The following RARS2 variants were observed in gnomAD, a reference collection of about 807,000 sequenced individuals.
RARS2 encodes arginyl-tRNA synthetase 2, mitochondrial.
Under a neutral mutation model 88.5 loss-of-function variants are expected in RARS2, and 67 were observed. The observed-to-expected ratio is 0.76, with a 90% CI of 0.62 to 0.93. The LOEUF (loss-of-function observed/expected upper bound fraction) is 0.93. Ranked by LOEUF, RARS2 falls within the 40% of genes least tolerant of loss-of-function variation. RARS2 has a pLI of 0.00. For missense variants in RARS2, 664 were observed against 684.2 expected (o/e 0.97, Z 0.33); for synonymous variants, 239 against 230.3 (o/e 1.04, Z -0.34).
chr6:87,542,099 T>G (rs149078802), intron 7 of RARS2, 105 bp from the exon 8 acceptor site: 1 of 858,662 alleles, frequency 1.2e-6, no homozygotes, highest in African/African-American at 1.7e-5. Flanking sequence ...TGTCATATTA[T>G]GTATCCTGAG....
intron 1 of RARS2, among the ~76,000 whole-genome samples, chr6:87,580,663 A>G (rs763494071): frequency 2.0e-5 from 3 of 151,752 alleles, no homozygotes; most frequent in South Asian, 2.1e-4. Flanking sequence ...ATCTCAGTAT[A>G]TTGCCCAGGG....
chr6:87,551,626 C>CAAAAAAAAAAAA (rs71018036), intron 5 of RARS2, among the ~76,000 whole-genome samples: 2 of 65,150 alleles, frequency 3.1e-5, no homozygotes, highest in Admixed American at 2.4e-4. Flanking sequence ...TCCGTCTCAA[C>CAAAAAAAAAAAA]AAAAAAAAAA....
intron 4 of RARS2, among the ~76,000 whole-genome samples, chr6:87,559,381 C>T (rs974924144): frequency 2.4e-4 from 36 of 147,680 alleles, no homozygotes; most frequent in African/African-American, 8.3e-4. Flanking sequence ...GCAGGAGAAT[C>T]GCTTGAACCT....
chr6:87,514,680 C>T (rs571685735), intron 19 of RARS2, among the ~76,000 whole-genome samples, 181 bp from the exon 20 acceptor site: 1 of 152,278 alleles, frequency 6.6e-6, no homozygotes, highest in Non-Finnish European at 1.5e-5. Flanking sequence ...AAAACCTGTA[C>T]ATAAAGTGTC....
intron 9 of RARS2, among the ~76,000 whole-genome samples, chr6:87,530,566 A>G (rs953567498): frequency 6.6e-6 from 1 of 152,212 alleles, no homozygotes; most frequent in African/African-American, 2.4e-5. Flanking sequence ...GCTAGAACAG[A>G]AAAGTCAGAT....
At chr6:87,533,675 C>T (rs1000990314) in intron 8 of RARS2, among the ~76,000 whole-genome samples, 3 of 152,206 alleles carry the variant, frequency 2.0e-5, no homozygotes, top group African/African-American at 7.2e-5. Flanking sequence ...AAAAAATTAA[C>T]ATTCCCTTTT....
intron 5 of RARS2, among the ~76,000 whole-genome samples, chr6:87,551,005 G>T (rs1051344198): frequency 5.2e-4 from 79 of 151,560 alleles, no homozygotes; most frequent in Non-Finnish European, 9.4e-4. Flanking sequence ...AAAAAACTAG[G>T]TATTTATAAT....
chr6:87,531,776 T>C (rs575977719), intron 8 of RARS2, among the ~76,000 whole-genome samples: 1 of 152,206 alleles, frequency 6.6e-6, no homozygotes, highest in African/African-American at 2.4e-5. Context: ...CTCCAAAATA[T>C]AATGTTAATA....
chr6:87,562,675 A>C (rs540980791), intron 4 of RARS2, 27 bp downstream of exon 4: 3 of 1,532,108 alleles, frequency 2.0e-6, no homozygotes, highest in East Asian at 4.5e-5. Flanking sequence ...ATGAAAGCAC[A>C]ATGGCTGGAT....
intron 1 of RARS2, among the ~76,000 whole-genome samples, chr6:87,575,985 A>C (rs1436843003): frequency 6.6e-6 from 1 of 151,840 alleles, no homozygotes; most frequent in Non-Finnish European, 1.5e-5. Flanking sequence ...TTTTTAGCAG[A>C]GACAGGGTTT....
intron 1 of RARS2, among the ~76,000 whole-genome samples, chr6:87,573,194 T>C (rs1770332924): frequency 6.6e-6 from 1 of 152,066 alleles, no homozygotes; most frequent in Non-Finnish European, 1.5e-5. Flanking sequence ...AACTCAATCA[T>C]GGCAGAAAGC....
At chr6:87,524,199 G>T (rs1441298012) in intron 11 of RARS2, among the ~76,000 whole-genome samples, 2 of 152,052 alleles carry the variant, frequency 1.3e-5, no homozygotes, top group Non-Finnish European at 2.9e-5. Flanking sequence ...AACAGAGATT[G>T]GCCCTTCCAC....
chr6:87,520,050 T>C, intron 13 of RARS2, 130 bp downstream of exon 13: 2 of 843,506 alleles, frequency 2.4e-6, no homozygotes, highest in East Asian at 2.4e-5. Context: ...AATACAAAAA[T>C]CAAATCTACC....
chr6:87,586,892 ATT>A (rs1227402712), intron 1 of RARS2, among the ~76,000 whole-genome samples: 51 of 136,576 alleles, frequency 3.7e-4, no homozygotes, highest in African/African-American at 1.7e-3. Context: ...TTATTTATTT[ATT>A]TATTTATTTA....
At chr6:87,515,248 G>A (rs1327434276) in intron 18 of RARS2, among the ~76,000 whole-genome samples, 7 of 152,202 alleles carry the variant, frequency 4.6e-5, no homozygotes, top group East Asian at 3.8e-4. Flanking sequence ...TTCGCAGGGC[G>A]CAGTGGCTCA....
Position 87,514,398 on chromosome 6 carries a change from C to G in RARS2, c.*15G>C. The G allele has an allele frequency of 1.3e-6, 2 of 1,553,176 alleles. No individual in the cohort carries two copies. The highest frequency in any genetic ancestry group is 1.8e-6 in the Non-Finnish European group (2 of 1,124,756). On this transcript the variant is annotated 3_prime_UTR_variant, in exon 20 of 20. Transcript: ENST00000369536. ...TAGAATTCACTTGACATTTTAAAAGCCATTTTAATGGAAATTACATCCTAC... is the reference window on the plus strand; with the variant it reads ...TAGAATTCACTTGACATTTTAAAAGGCATTTTAATGGAAATTACATCCTAC...
intron 12 of RARS2, among the ~76,000 whole-genome samples, chr6:87,520,505 T>C (rs955717994): frequency 1.3e-5 from 2 of 152,176 alleles, no homozygotes; most frequent in Non-Finnish European, 2.9e-5. Context: ...CTTCTGAGTA[T>C]TCTATTTAAG....
At chr6:87,517,654 T>G (rs1772252333) in intron 17 of RARS2, among the ~76,000 whole-genome samples, 1 of 152,190 alleles carries the variant, frequency 6.6e-6, no homozygotes, top group Admixed American at 6.5e-5. Flanking sequence ...TTCTAGAGAC[T>G]AATCTCTGGC....
chr6:87,578,724 C>T (rs1326343660), intron 1 of RARS2, among the ~76,000 whole-genome samples: 2 of 151,994 alleles, frequency 1.3e-5, no homozygotes, highest in East Asian at 1.9e-4. Context: ...TTTGGGAGGC[C>T]GAGGCAGGCA....
Sources: allele counts gnomAD v4.1 joint callset (sites outside exome capture counted in the v4.1 genomes callset), GRCh38; gene constraint gnomAD v4.1.1; transcripts MANE v1.5; gene names NCBI Gene and HGNC (gene_info 2026-07-23, HGNC 2026-07-21).